FSTL4: variants seen among roughly 807,000 people sequenced by gnomAD.
The protein encoded by FSTL4 is follistatin-related protein 4.
FSTL4 carries 28 observed loss-of-function variants against 78.2 expected under a neutral mutation model. The ratio of observed to expected loss-of-function variants is 0.36; its 90% CI spans 0.27 to 0.49. The LOEUF (loss-of-function observed/expected upper bound fraction) is 0.49. Among genes scored for constraint, FSTL4 ranks in the 20% least tolerant of loss-of-function variants. FSTL4 has a pLI of 0.98. For synonymous variants in FSTL4, 422 were observed against 440.5 expected (o/e 0.96, Z 0.53); for missense variants, 922 against 1,084.9 (o/e 0.85, Z 2.11).
the FSTL4 span, among the ~76,000 whole-genome samples, chr5:133,804,908 A>G: frequency 7.5e-6 from 1 of 132,586 alleles, no homozygotes; most frequent in South Asian, 2.4e-4. Context: ...GTGCCACTGC[A>G]CTCCAGCCTG....
At chr5:133,820,228 G>A in the FSTL4 span, among the ~76,000 whole-genome samples, 1 of 152,194 alleles carries the variant, frequency 6.6e-6, no homozygotes, top group Non-Finnish European at 1.5e-5. Context: ...GGAGGGTCCA[G>A]CTGTCACGCT....
At chr5:133,789,626 C>T in the FSTL4 span, among the ~76,000 whole-genome samples, 1 of 152,182 alleles carries the variant, frequency 6.6e-6, no homozygotes, top group Non-Finnish European at 1.5e-5. Context: ...CTCAGGCTGT[C>T]GTAACAAAGT....
intron 3 of FSTL4, among the ~76,000 whole-genome samples, chr5:133,476,209 C>T (rs77287956): frequency 0.025 from 3,865 of 152,252 alleles, 147 homozygotes; most frequent in African/African-American, 0.088. Flanking sequence ...AGTCTCCAAA[C>T]CTTTGGAGGC....
At chr5:133,233,677 T>C (rs1400642449) in intron 7 of FSTL4, 140 bp from the exon 8 acceptor site, 4 of 1,036,030 alleles carry the variant, frequency 3.9e-6, no homozygotes, top group Non-Finnish European at 2.8e-6. Context: ...CAGAGCTGTC[T>C]GCAGGGGTGA....
chr5:133,267,869 T>C (rs899717887), intron 6 of FSTL4, among the ~76,000 whole-genome samples: 3 of 152,098 alleles, frequency 2.0e-5, no homozygotes, highest in Non-Finnish European at 4.4e-5. Flanking sequence ...CTGGCTTGGC[T>C]GGGGCAAGAA....
chr5:133,312,231 C>T (rs1231461711), intron 6 of FSTL4, among the ~76,000 whole-genome samples: 14 of 152,270 alleles, frequency 9.2e-5, no homozygotes, highest in East Asian at 1.9e-4. Flanking sequence ...TGCTCCCTGC[C>T]GCTGCATGGC....
chr5:133,320,394 C>T lies in FSTL4; in HGVS notation c.410-3742G>A, dbSNP rs1036593964. Among the ~76,000 whole-genome samples the T allele has an allele frequency of 2.6e-5, 4 of 152,066 alleles. No individual in the cohort carries two copies. The East Asian group carries it at 5.8e-4, about 22-fold the overall frequency. On this transcript the variant is annotated intron_variant, in intron 4 of 15. Coordinates refer to ENST00000265342, the MANE Select transcript of FSTL4 (RefSeq NM_015082.2). ...TGTGAAGCACTGGGCATTTTGGACA[C>T]CACCGGACATGTCTTCAGCTAAAGG... is the stretch of plus-strand genomic sequence containing the variant.
chr5:133,310,324 T>A (rs1244473980), intron 6 of FSTL4, among the ~76,000 whole-genome samples: 2 of 152,196 alleles, frequency 1.3e-5, no homozygotes, highest in Non-Finnish European at 2.9e-5. Flanking sequence ...TTATAAAGCT[T>A]TCCAAATAAT....
intron 4 of FSTL4, among the ~76,000 whole-genome samples, chr5:133,352,255 T>TATATATATACACAC (rs572337954): frequency 2.8e-5 from 4 of 140,886 alleles, no homozygotes; most frequent in Admixed American, 7.0e-5. Flanking sequence ...TATACACACA[T>TATATATATACACAC]ATATATATAC....
At chr5:133,733,366 T>C in the FSTL4 span, among the ~76,000 whole-genome samples, 3 of 152,206 alleles carry the variant, frequency 2.0e-5, no homozygotes, top group African/African-American at 7.2e-5. Context: ...CACTCCTATA[T>C]GTGTTATACC....
chr5:133,529,234 C>A (rs189087195), intron 3 of FSTL4, among the ~76,000 whole-genome samples: 4 of 152,218 alleles, frequency 2.6e-5, no homozygotes, highest in Non-Finnish European at 5.9e-5. Context: ...CTGTGAATAC[C>A]CAAAGGCTCA....
At chr5:133,297,876 T>C (rs6893561) in intron 6 of FSTL4, among the ~76,000 whole-genome samples, 120,221 of 152,132 alleles carry the variant, frequency 0.79, 48,022 homozygotes, top group African/African-American at 0.9. Context: ...AGGTGGGGTG[T>C]GCAGCGTCGG....
intron 4 of FSTL4, among the ~76,000 whole-genome samples, chr5:133,328,592 C>T (rs1376273206): frequency 1.3e-5 from 2 of 152,168 alleles, no homozygotes; most frequent in East Asian, 1.9e-4. Flanking sequence ...GGAAAACCTC[C>T]ACCAGCTAGA....
intron 3 of FSTL4, among the ~76,000 whole-genome samples, chr5:133,442,758 G>A (rs1254168743): frequency 6.6e-6 from 1 of 152,126 alleles, no homozygotes; most frequent in Non-Finnish European, 1.5e-5. Flanking sequence ...GGCTCAATCA[G>A]GCTTTTGGAG....
At chr5:133,763,417 T>A in the FSTL4 span, among the ~76,000 whole-genome samples, 4 of 152,254 alleles carry the variant, frequency 2.6e-5, no homozygotes, top group African/African-American at 9.6e-5. Flanking sequence ...CCCTAGCTCC[T>A]CCTTCCTTGG....
the FSTL4 span, among the ~76,000 whole-genome samples, chr5:133,668,654 G>A: frequency 6.6e-6 from 1 of 152,200 alleles, no homozygotes; most frequent in Non-Finnish European, 1.5e-5. Context: ...AGTAGCCAGA[G>A]ATTGGCTGGG....
At chr5:133,396,772 T>C (rs947384572) in intron 4 of FSTL4, among the ~76,000 whole-genome samples, 1 of 152,248 alleles carries the variant, frequency 6.6e-6, no homozygotes, top group Non-Finnish European at 1.5e-5. Flanking sequence ...CTATTTGCTC[T>C]GCTAACTTGC....
intron 2 of FSTL4, among the ~76,000 whole-genome samples, chr5:133,592,558 C>T (rs1580809391): frequency 6.6e-6 from 1 of 152,150 alleles, no homozygotes; most frequent in Admixed American, 6.5e-5. Context: ...GTTTGTCCCC[C>T]GCCAAACCTA....
At chr5:133,707,031 G>A in the FSTL4 span, among the ~76,000 whole-genome samples, 1 of 152,088 alleles carries the variant, frequency 6.6e-6, no homozygotes, top group African/African-American at 2.4e-5. Flanking sequence ...CTTTTATCAG[G>A]GGCTAAGCAT....
Sources: gnomAD v4.1 joint callset for allele counts (sites outside exome capture counted in the v4.1 genomes callset) on GRCh38, gnomAD v4.1.1 for gene constraint, MANE v1.5 for transcripts, NCBI Gene and HGNC (gene_info 2026-07-23, HGNC 2026-07-21) for gene names.